The following PRTG variants were observed in gnomAD, a reference collection of about 807,000 sequenced individuals.
The protein encoded by PRTG is immunoglobulin superfamily, DCC subclass, member 5.
A neutral mutation model predicts 122.5 loss-of-function variants in PRTG; 67 were observed. The ratio of observed to expected loss-of-function variants is 0.55; its 90% CI spans 0.45 to 0.67. The LOEUF (loss-of-function observed/expected upper bound fraction) is 0.67. Ranked by LOEUF, PRTG falls within the 30% of genes least tolerant of loss-of-function variation. The probability of loss-of-function intolerance (pLI) is 0.00; values close to 1 mark genes in which losing one functional copy is unlikely to be tolerated. For missense variants in PRTG, 1,435 were observed against 1,415.4 expected (o/e 1.01, Z -0.22); for synonymous variants, 554 against 501.1 (o/e 1.11, Z -1.41).
At chr15:55,669,237 T>C (rs2059455044) in intron 11 of PRTG, among the ~76,000 whole-genome samples, 1 of 151,924 alleles carries the variant, frequency 6.6e-6, no homozygotes, top group Admixed American at 6.6e-5. Flanking sequence ...GAGACACTAG[T>C]TTGTTACTCA....
At chr15:55,657,044 A>G (rs2059384156) in intron 11 of PRTG, among the ~76,000 whole-genome samples, 1 of 152,228 alleles carries the variant, frequency 6.6e-6, no homozygotes, top group African/African-American at 2.4e-5. Context: ...TAGAATGTCA[A>G]TTTGTAAAAT....
intron 18 of PRTG, 57 bp from the exon 19 acceptor site, chr15:55,620,824 AT>A: frequency 7.0e-7 from 1 of 1,434,568 alleles, no homozygotes. Flanking sequence ...ATTTCACTTT[AT>A]CACAAGTAGT....
chr15:55,721,720 G>C (rs2030833050), intron 2 of PRTG, among the ~76,000 whole-genome samples: 1 of 152,306 alleles, frequency 6.6e-6, no homozygotes, highest in East Asian at 1.9e-4. Flanking sequence ...TCACAGTTAA[G>C]GACGGCTGGG....
At position 55,638,573 on chromosome 15, in the gene PRTG, C is replaced by T. The variant is rs780955691; in HGVS notation, c.2428G>A (p.Val810Ile). 2.7e-5 allele frequency: 44 copies of T among 1,612,724 alleles called. No homozygotes were observed. The highest frequency in any genetic ancestry group is 3.6e-5 in the Non-Finnish European group (42 of 1,179,224). ...DQLSSPWSPVVYHSTLPEAPA... is the reference protein window; with the variant it reads ...DQLSSPWSPVIYHSTLPEAPA... ...CCTTCTGGAAGAGTAGAATGGTAGACTACAGGGCTCCAAGGACTGGAAAGC... is the reference window on the plus strand; with the variant it reads ...CCTTCTGGAAGAGTAGAATGGTAGATTACAGGGCTCCAAGGACTGGAAAGC... Residue 810 changes from valine to isoleucine, a missense_variant, in exon 14 of 20, where the codon GTC becomes ATC. Coordinates refer to ENST00000389286, the MANE Select transcript of PRTG (RefSeq NM_173814.6).
chr15:55,716,678 A>G (rs1250219254), intron 2 of PRTG, among the ~76,000 whole-genome samples: 3 of 152,228 alleles, frequency 2.0e-5, no homozygotes, highest in Non-Finnish European at 4.4e-5. Context: ...CCATCTTATC[A>G]AAACATACAT....
chr15:55,735,462 A>C (rs558842181), intron 2 of PRTG, among the ~76,000 whole-genome samples: 4 of 152,080 alleles, frequency 2.6e-5, no homozygotes, highest in Non-Finnish European at 5.9e-5. Flanking sequence ...TATTATTTTA[A>C]ATTGCTCTGG....
At chr15:55,658,637 T>C (rs955122957) in intron 11 of PRTG, among the ~76,000 whole-genome samples, 2 of 152,150 alleles carry the variant, frequency 1.3e-5, no homozygotes, top group African/African-American at 4.8e-5. Context: ...TTTCTTATGA[T>C]AGGTCTCTAT....
Position 55,612,593 on chromosome 15 carries a change from T to A in PRTG, c.*7419A>T, listed in dbSNP as rs921807875. The A allele has an allele frequency of 1.3e-5, 2 of 151,342 alleles. No individual in the cohort carries two copies. The highest frequency in any genetic ancestry group is 4.9e-5 in the African/African-American group (2 of 41,046). 9.4% of individuals were successfully genotyped at this position (151,342 alleles called of 1,614,324 possible). On this transcript the variant is annotated 3_prime_UTR_variant, in exon 20 of 20. Coordinates refer to ENST00000389286, the MANE Select transcript of PRTG (RefSeq NM_173814.6). ...GCAGAAATATTAAAATACTCCATAA[T>A]CTTGAAAAAGATCTTTTAGAGAAAA...
chr15:55,644,994 C>T (rs1328531697), intron 11 of PRTG, among the ~76,000 whole-genome samples: 1 of 152,146 alleles, frequency 6.6e-6, no homozygotes, highest in Non-Finnish European at 1.5e-5. Flanking sequence ...ATTTACCACA[C>T]CTTCCTCTTT....
At position 55,709,145 on chromosome 15, in the gene PRTG, C is replaced by CAAAAAAAAAAA. The variant is rs3985769; in HGVS notation, c.398-25225_398-25215dup. Among the ~76,000 whole-genome samples, 64 of 51,852 alleles carry CAAAAAAAAAAA rather than the reference C, an allele frequency of 1.2e-3. 4 individuals are homozygous for CAAAAAAAAAAA. Among genetic ancestry groups the CAAAAAAAAAAA allele is most frequent in the African/African-American group, 5.1e-3 (64 of 12,490 alleles). The allele number at this position is 51,852 out of a possible 152,430, so 34.0% of individuals were successfully genotyped here. ...TGGGCGACAGGGTGGGACTCTGTCTCAAAAAAAAAAAAAAAAAAAAAAAAA... is the reference window on the plus strand; with the variant it reads ...TGGGCGACAGGGTGGGACTCTGTCTCAAAAAAAAAAAAAAAAAAAAAAAAAAAAAAAAAAAA... On this transcript the variant is annotated intron_variant, in intron 2 of 19. Coordinates refer to ENST00000389286, the MANE Select transcript of PRTG (RefSeq NM_173814.6).
intron 2 of PRTG, among the ~76,000 whole-genome samples, chr15:55,738,934 T>C (rs1265186768): frequency 1.4e-5 from 1 of 73,522 alleles, no homozygotes; most frequent in Admixed American, 1.9e-4. Flanking sequence ...AGGAAGGAAG[T>C]AGGAAGGGAG....
chr15:55,631,881 C>T (rs2059229446), intron 15 of PRTG, among the ~76,000 whole-genome samples: 1 of 152,138 alleles, frequency 6.6e-6, no homozygotes, highest in Non-Finnish European at 1.5e-5. Flanking sequence ...AGTTTTCTTC[C>T]TTTACCTCCG....
At chr15:55,718,868 G>A (rs1418216447) in intron 2 of PRTG, among the ~76,000 whole-genome samples, 3 of 151,790 alleles carry the variant, frequency 2.0e-5, no homozygotes, top group Admixed American at 6.6e-5. Context: ...TCAGCCTCTC[G>A]AGTAGCTGTG....
At chr15:55,720,961 A>C (rs1423696412) in intron 2 of PRTG, among the ~76,000 whole-genome samples, 2 of 152,068 alleles carry the variant, frequency 1.3e-5, no homozygotes, top group African/African-American at 4.8e-5. Context: ...TGGATGGTCC[A>C]CCTAGACATC....
chr15:55,740,756 TA>T (rs1250115460), intron 1 of PRTG, 72 bp from the exon 2 acceptor site: 28 of 1,274,070 alleles, frequency 2.2e-5, no homozygotes, highest in Non-Finnish European at 3.1e-5. Flanking sequence ...CACACAACTG[TA>T]AAACACATAT....
intron 4 of PRTG, 62 bp from the exon 5 acceptor site, chr15:55,680,690 T>C: frequency 1.8e-6 from 2 of 1,106,376 alleles, no homozygotes; most frequent in Non-Finnish European, 2.4e-6. Flanking sequence ...TAAGTGAAAT[T>C]AGTGAGACAT....
intron 11 of PRTG, among the ~76,000 whole-genome samples, chr15:55,657,042 C>T (rs2059384120): frequency 6.6e-6 from 1 of 152,116 alleles, no homozygotes; most frequent in South Asian, 2.1e-4. Flanking sequence ...ACTAGAATGT[C>T]AATTTGTAAA....
chr15:55,667,029 T>C (rs1156524529), intron 11 of PRTG, among the ~76,000 whole-genome samples: 3 of 152,184 alleles, frequency 2.0e-5, no homozygotes, highest in East Asian at 1.9e-4. Context: ...GTAAATGATG[T>C]ACCATGGAAT....
chr15:55,635,927 C>T (rs2141728675), intron 15 of PRTG, among the ~76,000 whole-genome samples: 2 of 152,218 alleles, frequency 1.3e-5, no homozygotes, highest in African/African-American at 4.8e-5. Flanking sequence ...GCAAACTACT[C>T]TCTTCTCAGA....
Sources: allele counts gnomAD v4.1 joint callset (sites outside exome capture counted in the v4.1 genomes callset), GRCh38; gene constraint gnomAD v4.1.1; transcripts MANE v1.5; gene names NCBI Gene and HGNC (gene_info 2026-07-23, HGNC 2026-07-21).